Variants in GLB1 observed in about 807,000 individuals in gnomAD.
The protein encoded by GLB1 is beta-galactosidase.
A neutral mutation model predicts 74.0 loss-of-function variants in GLB1; 56 were observed. The observed-to-expected ratio is 0.76, with a 90% confidence interval of 0.61 to 0.94. The LOEUF is 0.94. GLB1 is among the 40% of genes least tolerant of loss of function. GLB1 has a pLI of 0.00. For missense variants in GLB1, 787 were observed against 845.5 expected (o/e 0.93, Z 0.86); for synonymous variants, 323 against 323.6 (o/e 1.00, Z 0.02).
At chr3:33,063,048 G>T (rs927260146) in intron 5 of GLB1, among the ~76,000 whole-genome samples, 1 of 152,102 alleles carries the variant, frequency 6.6e-6, no homozygotes. Context: ...AAAGTCCTAC[G>T]GAAGCCAATA....
chr3:33,025,083 C>T (rs1200530960), intron 10 of GLB1, among the ~76,000 whole-genome samples: 1 of 152,036 alleles, frequency 6.6e-6, no homozygotes, highest in Non-Finnish European at 1.5e-5. Flanking sequence ...GTAGCTGGGA[C>T]TACAAGCATG....
downstream of GLB1, among the ~76,000 whole-genome samples, chr3:32,994,147 A>G (rs1361307951): frequency 6.6e-6 from 1 of 152,214 alleles, no homozygotes; most frequent in Non-Finnish European, 1.5e-5. Context: ...AGCATTCTTC[A>G]TAATAGTCAA....
At chr3:32,976,323 C>T in the GLB1 span, among the ~76,000 whole-genome samples, 2 of 152,188 alleles carry the variant, frequency 1.3e-5, no homozygotes, top group Non-Finnish European at 2.9e-5. Flanking sequence ...TTTTCTGCTT[C>T]CTGCTGCTCA....
rs376211515 is a variant in GLB1 at position 33,093,078 on chromosome 3, G to A, written c.75+3933C>T. Reference sequence around the variant, plus strand: ...CCGAGCCTGGAGAGCTCTCTTGGCAGCCAGGGGCTGGTGAGCTAGCAAGAT... The same window carrying A: ...CCGAGCCTGGAGAGCTCTCTTGGCAACCAGGGGCTGGTGAGCTAGCAAGAT... On this transcript the variant is annotated intron_variant, in intron 1 of 15. Transcript: ENST00000307363. The surrounding 1 kb of genome is among the most constrained non-coding windows in gnomAD (Gnocchi z 6.0). 6.2e-7 allele frequency: 1 copy of A among 1,614,146 alleles called. No homozygotes were observed. The highest frequency in any genetic ancestry group is 8.5e-7 in the Non-Finnish European group (1 of 1,180,054).
chr3:33,029,454 T>C (rs1228564484), intron 10 of GLB1, among the ~76,000 whole-genome samples: 1 of 152,190 alleles, frequency 6.6e-6, no homozygotes. Flanking sequence ...ACTAGACTTA[T>C]AAACCTATTC....
At chr3:33,029,507 C>A (rs541911989) in intron 10 of GLB1, among the ~76,000 whole-genome samples, 1 of 152,052 alleles carries the variant, frequency 6.6e-6, no homozygotes, top group South Asian at 2.1e-4. Context: ...ATTAATACAC[C>A]ACAAAAAGTA....
intron 10 of GLB1, chr3:33,030,479 A>G: frequency 1.0e-6 from 1 of 984,424 alleles, no homozygotes; most frequent in Non-Finnish European, 1.2e-6. Context: ...ACCATCAGAC[A>G]TAAAACACTG....
chr3:33,008,155 T>G (rs1696859633), intron 15 of GLB1, among the ~76,000 whole-genome samples: 1 of 152,168 alleles, frequency 6.6e-6, no homozygotes, highest in African/African-American at 2.4e-5. Flanking sequence ...CCCACACTTT[T>G]CCATTGGTCT....
chr3:33,049,323 T>C (rs944111349), intron 9 of GLB1, among the ~76,000 whole-genome samples: 2 of 148,814 alleles, frequency 1.3e-5, no homozygotes, highest in African/African-American at 4.8e-5. Context: ...TTAATTTAAG[T>C]TCCGGGATAT....
chr3:33,052,022 C>T lies in GLB1; in HGVS notation c.793-18G>A, dbSNP rs750682915. ...GAATTGATCTAAAACAAAAAAAGAACGTAGCCCTTAGGATAGACTTATGAC... is the reference window on the plus strand; with the variant it reads ...GAATTGATCTAAAACAAAAAAAGAATGTAGCCCTTAGGATAGACTTATGAC... On this transcript the variant is annotated intron_variant, in intron 7 of 15. Coordinates refer to ENST00000307363, the MANE Select transcript of GLB1 (RefSeq NM_000404.4). 34 of 1,613,194 alleles carry T rather than the reference C, an allele frequency of 2.1e-5. No homozygotes were observed. The highest frequency in any genetic ancestry group is 6.7e-5 in the Admixed American group (4 of 60,008).
In GLB1 at chr3:33,039,697, CAT is replaced by C. The variant is rs375740180; in HGVS notation, c.1068+6421_1068+6422del. On this transcript the variant is annotated intron_variant, in intron 10 of 15. Coordinates refer to ENST00000307363, the MANE Select transcript of GLB1 (RefSeq NM_000404.4). The stretch of plus-strand genomic sequence containing the variant: ...AGGCAAGGTGGGAGAACGAAGTAAA[CAT>C]AACATTGGATGAGATAACAGCCAAG... 7.9e-4 allele frequency among the ~76,000 whole-genome samples: 120 copies of C among 152,228 alleles called. No homozygotes were observed. In the East Asian group the frequency reaches 0.018, roughly 23 times the overall value.
the GLB1 span, among the ~76,000 whole-genome samples, chr3:32,964,717 A>T: frequency 1.4e-4 from 21 of 152,306 alleles, no homozygotes; most frequent in African/African-American, 4.8e-4. Context: ...GAGAAATGAA[A>T]ACTTTGGTCC....
At chr3:33,078,715 G>T (rs1463632532) in intron 1 of GLB1, among the ~76,000 whole-genome samples, 2 of 152,182 alleles carry the variant, frequency 1.3e-5, no homozygotes, top group Non-Finnish European at 2.9e-5. Flanking sequence ...CATTATATGT[G>T]ATATGATATG....
intron 1 of GLB1, among the ~76,000 whole-genome samples, chr3:33,087,575 G>A (rs892248934): frequency 5.6e-5 from 2 of 36,000 alleles, no homozygotes; most frequent in African/African-American, 2.2e-4. Context: ...GTCTCAGCAT[G>A]CGCGCACACA....
intron 1 of GLB1, among the ~76,000 whole-genome samples, chr3:33,085,047 C>T (rs1284900094): frequency 6.6e-6 from 1 of 151,866 alleles, no homozygotes; most frequent in Admixed American, 6.6e-5. Flanking sequence ...GAGGCTGAGG[C>T]GGGTGGATGG....
intron 1 of GLB1, chr3:33,091,147 G>A: frequency 1.0e-6 from 1 of 985,378 alleles, no homozygotes; most frequent in Non-Finnish European, 1.2e-6. Flanking sequence ...ATGCGGTCGG[G>A]ACACAAGAAA....
chr3:33,082,384 C>T (rs1575487520), intron 1 of GLB1, among the ~76,000 whole-genome samples: 2 of 152,314 alleles, frequency 1.3e-5, no homozygotes, highest in South Asian at 2.1e-4. Context: ...TCTGGAACTG[C>T]CCACTCCCCA....
intron 1 of GLB1, among the ~76,000 whole-genome samples, chr3:33,090,032 G>A (rs1453516162): frequency 6.6e-6 from 1 of 152,176 alleles, no homozygotes; most frequent in Non-Finnish European, 1.5e-5. Context: ...ACTCATTTGT[G>A]ACAGATACAG....
chr3:33,022,564 A>AGTTTTTTTTTTTTTTTTTTT (rs1697537822), intron 11 of GLB1, among the ~76,000 whole-genome samples: 2 of 63,744 alleles, frequency 3.1e-5, no homozygotes, highest in Non-Finnish European at 2.9e-5. Flanking sequence ...ACTGGTTAGG[A>AGTTTTTTTTTTTTTTTTTTT]TTTTTTTTTT....
Sources: allele counts gnomAD v4.1 joint callset (sites outside exome capture counted in the v4.1 genomes callset), GRCh38; gene constraint gnomAD v4.1.1; non-coding constraint Gnocchi (gnomAD v3.1); transcripts MANE v1.5; gene names NCBI Gene and HGNC (gene_info 2026-07-23, HGNC 2026-07-21).